TFRC: variants seen among roughly 807,000 people sequenced by gnomAD.
TFRC encodes the protein transferrin receptor, also known as transferrin receptor protein 1.
A neutral mutation model predicts 85.8 loss-of-function variants in TFRC; 35 were observed. The observed-to-expected ratio is 0.41, with a 90% CI of 0.31 to 0.54. The LOEUF is 0.54. Ranked by LOEUF, TFRC falls within the 20% of genes least tolerant of loss-of-function variation. TFRC has a pLI of 0.31. For synonymous variants in TFRC, 362 were observed against 328.6 expected, an observed-to-expected ratio of 1.10 and a Z score of -1.10; for missense variants, 828 against 921.5, an observed-to-expected ratio of 0.90 and a Z score of 1.31.
intron 16 of TFRC, among the ~76,000 whole-genome samples, chr3:196,057,500 C>T (rs1249135059): frequency 2.6e-5 from 4 of 152,112 alleles, no homozygotes; most frequent in Non-Finnish European, 4.4e-5. Flanking sequence ...TTCTTTAACT[C>T]GGTGTCTGAG....
Position 196,050,215 on chromosome 3 carries a change from C to T in TFRC, c.*1727G>A, listed in dbSNP as rs1316795887. ...GTTAAAATGACTTGTCAATAGCAAA[C>T]ATTATAAATGTATGCTACTATCTCA... On this transcript the variant is annotated 3_prime_UTR_variant, in exon 19 of 19. Transcript: ENST00000360110. 4.4e-6 allele frequency: 1 copy of T among 225,194 alleles called. No individual in the cohort carries two copies. The highest frequency in any genetic ancestry group is 5.7e-5 in the Admixed American group (1 of 17,524). 13.9% of individuals were successfully genotyped at this position (225,194 alleles called of 1,614,324 possible). A position where few individuals can be genotyped will look rare whatever the true frequency, so the allele number is the denominator to read the frequency against.
chr3:196,061,630 C>T (rs1717289599), intron 13 of TFRC, among the ~76,000 whole-genome samples: 1 of 152,142 alleles, frequency 6.6e-6, no homozygotes, highest in Admixed American at 6.6e-5. Flanking sequence ...GCTGGGATTA[C>T]AGGTACTCGC....
At position 196,074,100 on chromosome 3, in the gene TFRC, A is replaced by G. The variant is rs755025490; in HGVS notation, c.264T>C (p.Tyr88=). Residue 88 remains tyrosine (Y), a synonymous_variant, in exon 4 of 19, where the codon TAT becomes TAC. Coordinates refer to ENST00000360110, the MANE Select transcript of TFRC (RefSeq NM_001128148.3). The stretch of plus-strand genomic sequence containing the variant: ...CAGTTTTTGGTTCTACCCCTTTACA[A>G]TAGCCCAAGTAGCCAATCATAAATC... ...LIGFMIGYLG[Y]CKGVEPKTEC... The G allele has an allele frequency of 2.2e-5, 35 of 1,613,384 alleles. No homozygotes were observed. Among genetic ancestry groups the G allele is most frequent in the Non-Finnish European group, 1.3e-5 (15 of 1,179,766 alleles).
At chr3:196,075,099 A>G (rs558344283) in intron 3 of TFRC, 60 bp downstream of exon 3, 13 of 1,467,816 alleles carry the variant, frequency 8.9e-6, no homozygotes, top group South Asian at 1.1e-5. Context: ...CTGAGCTGAC[A>G]TAACAGACTT....
chr3:196,060,371 C>T, intron 13 of TFRC, 124 bp from the exon 14 acceptor site: 1 of 782,468 alleles, frequency 1.3e-6, no homozygotes, highest in Non-Finnish European at 2.1e-6. Flanking sequence ...TGTGCAACAA[C>T]TATCCCATTC....
In TFRC at chr3:196,051,574, C is replaced by T. The variant is rs991493947; in HGVS notation, c.*368G>A. The T allele has an allele frequency of 2.0e-5, 5 of 252,516 alleles. No homozygotes were observed. Among genetic ancestry groups the T allele is most frequent in the South Asian group, 1.2e-4 (1 of 8,086 alleles). 15.6% of individuals were successfully genotyped at this position (252,516 alleles called of 1,614,324 possible). A position where few individuals can be genotyped will look rare whatever the true frequency, so the allele number is the denominator to read the frequency against. Reference sequence around the variant, plus strand: ...AAGTTGGAGGATCACTCAAAGTAAGCGACCACTTACAACCTTCAGCAGAGA... The same window carrying T: ...AAGTTGGAGGATCACTCAAAGTAAGTGACCACTTACAACCTTCAGCAGAGA... On this transcript the variant is annotated 3_prime_UTR_variant, in exon 19 of 19. Transcript: ENST00000360110.
intron 1 of TFRC, among the ~76,000 whole-genome samples, chr3:196,077,782 A>G (rs1718832945): frequency 1.3e-5 from 2 of 152,142 alleles, no homozygotes; most frequent in South Asian, 4.1e-4. Context: ...ACATACAAAA[A>G]GACAAAATTA....
intron 18 of TFRC, 129 bp downstream of exon 18, chr3:196,053,289 G>A: frequency 2.0e-6 from 2 of 1,024,940 alleles, no homozygotes; most frequent in Non-Finnish European, 1.4e-6. Flanking sequence ...GAAAATGACA[G>A]CTAAACCATT....
chr3:196,070,778 A>AATAATAATAATAATG (rs1464059645), intron 6 of TFRC, among the ~76,000 whole-genome samples: 1 of 120,626 alleles, frequency 8.3e-6, no homozygotes, highest in Admixed American at 1.1e-4. Flanking sequence ...TCTACCAAAT[A>AATAATAATAATAATG]ATAATAATAA....
At position 196,065,427 on chromosome 3, in the gene TFRC, G is replaced by GGT; in HGVS notation, c.1198+15_1198+16insAC. 1 of 697,814 alleles carries GGT rather than the reference G, an allele frequency of 1.4e-6. No homozygotes were observed. Among genetic ancestry groups the GGT allele is most frequent in the Non-Finnish European group, 1.9e-6 (1 of 514,386 alleles). The allele number at this position is 697,814 out of a possible 1,614,324, so 43.2% of individuals were successfully genotyped here. A position where few individuals can be genotyped will look rare whatever the true frequency, so the allele number is the denominator to read the frequency against. Reference sequence around the variant, plus strand: ...AAAAAAAAAGCGGGGCGGGGGGGGGGGGGGGCGGTCTTTACCTGGTTCTAC... The same window carrying GGT: ...AAAAAAAAAGCGGGGCGGGGGGGGGGGTGGGGGCGGTCTTTACCTGGTTCTAC... On this transcript the variant is annotated intron_variant, in intron 10 of 18. Transcript: ENST00000360110.
chr3:196,053,565 C>CA lies in TFRC; in HGVS notation c.1900-8dup. 1 of 1,613,884 alleles carries CA rather than the reference C, an allele frequency of 6.2e-7. No individual in the cohort carries two copies. The highest frequency in any genetic ancestry group is 1.1e-5 in the South Asian group (1 of 91,052). On this transcript the variant is annotated splice_region_variant and splice_polypyrimidine_tract_variant and intron_variant, in intron 17 of 18. Coordinates refer to ENST00000360110, the MANE Select transcript of TFRC (RefSeq NM_001128148.3). Reference sequence around the variant, plus strand: ...GTAAACTCAGGCCCATTTCCTGAAACAGACATTATTCGCTATGAGAAGTTT... The same window carrying CA: ...GTAAACTCAGGCCCATTTCCTGAAACAAGACATTATTCGCTATGAGAAGTTT...
rs1457477562 is a variant in TFRC at position 196,064,306 on chromosome 3, T to C, written c.1318+3A>G. 6.2e-7 allele frequency: 1 copy of C among 1,606,380 alleles called. No individual in the cohort carries two copies. Among genetic ancestry groups the C allele is most frequent in the Non-Finnish European group, 8.5e-7 (1 of 1,177,952 alleles). ...TTCAAAAGAATCAAAATTTGTACTC[T>C]ACCTTTTAAGACCATATCTGAGAAC... is the stretch of plus-strand genomic sequence containing the variant. On this transcript the variant is annotated splice_donor_region_variant and intron_variant, in intron 11 of 18. Transcript: ENST00000360110.
chr3:196,080,167 G>A (rs1351914512), intron 1 of TFRC, among the ~76,000 whole-genome samples: 1 of 152,170 alleles, frequency 6.6e-6, no homozygotes, highest in East Asian at 1.9e-4. Flanking sequence ...GCAGTAGCAC[G>A]ATCTCAGCTC....
intron 10 of TFRC, among the ~76,000 whole-genome samples, chr3:196,064,815 G>C (rs761875510): frequency 6.6e-6 from 1 of 152,222 alleles, no homozygotes; most frequent in African/African-American, 2.4e-5. Flanking sequence ...AGCTAAAAGA[G>C]AGACTGTATA....
chr3:196,067,434 G>T, intron 9 of TFRC, 84 bp downstream of exon 9: 1 of 1,404,594 alleles, frequency 7.1e-7, no homozygotes, highest in Non-Finnish European at 9.7e-7. Flanking sequence ...TTATCATCAT[G>T]TTTAACATTT....
chr3:196,052,557 C>T (rs41298091), intron 18 of TFRC, among the ~76,000 whole-genome samples: 1 of 152,174 alleles, frequency 6.6e-6, no homozygotes, highest in East Asian at 1.9e-4. Flanking sequence ...TCTCCTGCCT[C>T]AGCCTCCTGA....
Position 196,051,706 on chromosome 3 carries a change from G to C in TFRC, c.*236C>G. The C allele has an allele frequency of 2.0e-6, 1 of 495,848 alleles. No homozygotes were observed. The highest frequency in any genetic ancestry group is 3.7e-5 in the Admixed American group (1 of 27,136). 30.7% of individuals were successfully genotyped at this position (495,848 alleles called of 1,614,324 possible). A position where few individuals can be genotyped will look rare whatever the true frequency, so the allele number is the denominator to read the frequency against. ...CCATTACAAAGCACTTAAAATTCTAGAGATAGGGGAATATTCCATCATGGA... is the reference window on the plus strand; with the variant it reads ...CCATTACAAAGCACTTAAAATTCTACAGATAGGGGAATATTCCATCATGGA... On this transcript the variant is annotated 3_prime_UTR_variant, in exon 19 of 19. Transcript: ENST00000360110.
rs746825651 is a variant in TFRC, at chr3:196,052,112, C to T, written c.2113G>A (p.Gly705Ser). The change falls in exon 19 of 19, where the codon GGC (glycine) becomes AGC (serine). Residue 705 changes from glycine (G) to serine (S), a missense_variant. By Grantham distance (56) the Gly-to-Ser change is moderately conservative. Coordinates refer to ENST00000360110, the MANE Select transcript of TFRC (RefSeq NM_001128148.3). ...AGTAAAGCTGGCAGCGTGTGAGAGC[C>T]GGAGCCCCAGAAGACATGTCGGAAA... ...SPFRHVFWGS[G>S]SHTLPALLEN... The T allele has an allele frequency of 5.6e-6, 9 of 1,613,850 alleles. No homozygotes were observed. Among genetic ancestry groups the T allele is most frequent in the African/African-American group, 4.0e-5 (3 of 74,832 alleles).
intron 1 of TFRC, among the ~76,000 whole-genome samples, chr3:196,080,045 T>C (rs1213564010): frequency 1.3e-5 from 2 of 152,192 alleles, no homozygotes; most frequent in South Asian, 2.1e-4. Context: ...AAAAATATAA[T>C]GAAAACATTG....
Sources: gnomAD v4.1 joint callset for allele counts (sites outside exome capture counted in the v4.1 genomes callset) on GRCh38, gnomAD v4.1.1 for gene constraint, MANE v1.5 for transcripts, NCBI Gene and HGNC (gene_info 2026-07-23, HGNC 2026-07-21) for gene names.